The following ADGRL2 variants were observed in gnomAD, a reference collection of about 807,000 sequenced individuals.
ADGRL2 encodes the protein calcium-independent alpha-latrotoxin receptor 2.
Under a neutral mutation model 157.4 loss-of-function variants are expected in ADGRL2, and 44 were observed. The observed-to-expected ratio is 0.28, with a 90% CI of 0.22 to 0.36. ADGRL2 has a LOEUF of 0.36. ADGRL2 is among the 10% of genes least tolerant of loss of function. The probability of loss-of-function intolerance (pLI) is 1.00; values close to 1 mark genes in which losing one functional copy is unlikely to be tolerated. For missense variants in ADGRL2, 1,510 were observed against 1,768.9 expected (o/e 0.85, Z 2.63); for synonymous variants, 585 against 624.7 (o/e 0.94, Z 0.95).
Position 81,443,543 on chromosome 1 carries a change from T to C in ADGRL2, c.-301-1493T>C, listed in dbSNP as rs2077547058. ...GAGACAGTGTCTGATTTTCTATTGC[T>C]GGTTTGAGACCCACTTGATAGAAAT... On this transcript the variant is annotated intron_variant, in intron 1 of 24. Coordinates refer to the ADGRL2 transcript ENST00000370721. Among the ~76,000 whole-genome samples the C allele has an allele frequency of 2.0e-5, 3 of 152,226 alleles. No individual in the cohort carries two copies. In the South Asian group the frequency reaches 6.2e-4, roughly 31 times the overall value.
At chr1:81,465,820 A>G (rs963372930) in intron 2 of ADGRL2, among the ~76,000 whole-genome samples, 3 of 152,238 alleles carry the variant, frequency 2.0e-5, no homozygotes, top group Admixed American at 1.3e-4. Flanking sequence ...TGAAAATCTC[A>G]GCATCTGCCT....
chr1:81,427,711 G>A (rs1033328903), intron 1 of ADGRL2: 1 of 402,812 alleles, frequency 2.5e-6, no homozygotes, highest in East Asian at 4.4e-5. Flanking sequence ...ATGCATTAAA[G>A]GAACTTTAAA....
intron 2 of ADGRL2, among the ~76,000 whole-genome samples, chr1:81,485,539 T>C (rs961593196): frequency 6.6e-6 from 1 of 152,188 alleles, no homozygotes; most frequent in Non-Finnish European, 1.5e-5. Flanking sequence ...ATGGTATTTC[T>C]GTGCCTTGGT....
chr1:81,763,025 G>A (rs1165700281), intron 2 of ADGRL2, among the ~76,000 whole-genome samples: 2 of 138,926 alleles, frequency 1.4e-5, no homozygotes, highest in African/African-American at 5.5e-5. Context: ...TCCAGTCTGG[G>A]TGACAGAGCC....
intron 1 of ADGRL2, among the ~76,000 whole-genome samples, chr1:81,715,457 A>G (rs1056685663): frequency 6.6e-6 from 1 of 152,284 alleles, no homozygotes; most frequent in Non-Finnish European, 1.5e-5. Context: ...GTTAGTGTGT[A>G]TGTGCATCTT....
chr1:81,338,975 C>T (rs531513396), intron 1 of ADGRL2, among the ~76,000 whole-genome samples: 9 of 152,320 alleles, frequency 5.9e-5, no homozygotes, highest in East Asian at 1.9e-4. Flanking sequence ...CTGGAATGCT[C>T]TTCTTTCATC....
chr1:81,778,517 G>T (rs191288965), intron 2 of ADGRL2, among the ~76,000 whole-genome samples: 18 of 152,162 alleles, frequency 1.2e-4, no homozygotes, highest in Admixed American at 1.0e-3. Context: ...TTGGAATTTA[G>T]ACTTTTTCCT....
intron 1 of ADGRL2, among the ~76,000 whole-genome samples, chr1:81,827,296 A>G (rs1008694923): frequency 1.3e-5 from 2 of 152,170 alleles, no homozygotes; most frequent in Admixed American, 6.5e-5. Flanking sequence ...ATAAGTAGCT[A>G]TGGTGACAGG....
At chr1:81,983,782 A>G (rs2149470131) in intron 19 of ADGRL2, among the ~76,000 whole-genome samples, 1 of 152,066 alleles carries the variant, frequency 6.6e-6, no homozygotes, top group Middle Eastern at 3.4e-3. Context: ...AGTTGTTCGG[A>G]CTTCACTTTT....
intron 2 of ADGRL2, among the ~76,000 whole-genome samples, chr1:81,874,538 T>G (rs2151075350): frequency 6.6e-6 from 1 of 152,208 alleles, no homozygotes; most frequent in Non-Finnish European, 1.5e-5. Flanking sequence ...TGAGTTTTTC[T>G]GAAATGTTTC....
At position 81,461,271 on chromosome 1, in the gene ADGRL2, C is replaced by CT. The variant is rs201151961; in HGVS notation, c.-248+16186dup. Among the ~76,000 whole-genome samples, 1,070 of 151,568 alleles carry CT rather than the reference C, an allele frequency of 7.1e-3. 14 individuals are homozygous for CT. Among genetic ancestry groups the CT allele is most frequent in the African/African-American group, 0.025 (1,025 of 41,302 alleles). On this transcript the variant is annotated intron_variant, in intron 2 of 24. Coordinates refer to the ADGRL2 transcript ENST00000370721. Reference sequence around the variant, plus strand: ...TGAGCAGTAAAAGCTTTCTTTTTTTCTTTTCTTTTCTTTTTTTTTTCCTTT... The same window carrying CT: ...TGAGCAGTAAAAGCTTTCTTTTTTTCTTTTTCTTTTCTTTTTTTTTTCCTTT...
chr1:81,637,590 T>C lies in ADGRL2; in HGVS notation c.-143+56610T>C, dbSNP rs1017329608. ...GGGGTGGGGAATAAATATTTAATAT[T>C]TTAAATGATTGCTCATTTCAACTGA... On this transcript the variant is annotated intron_variant, in intron 3 of 24. Coordinates refer to the ADGRL2 transcript ENST00000370721. Among the ~76,000 whole-genome samples the C allele has an allele frequency of 8.5e-5, 13 of 152,328 alleles. No individual in the cohort carries two copies. The South Asian group carries it at 2.5e-3, about 29-fold the overall frequency.
intron 2 of ADGRL2, among the ~76,000 whole-genome samples, chr1:81,492,622 TAAACTA>T (rs2078657188): frequency 6.6e-6 from 1 of 152,220 alleles, no homozygotes; most frequent in Non-Finnish European, 1.5e-5. Flanking sequence ...TATTTAAACT[TAAACTA>T]AGAATGCTTC....
At position 81,501,734 on chromosome 1, in the gene ADGRL2, A is replaced by G. The variant is rs940446535; in HGVS notation, c.-248+56645A>G. 3.7e-5 allele frequency: 60 copies of G among 1,608,716 alleles called. No individual in the cohort carries two copies. The South Asian group carries it at 3.8e-4, about 10-fold the overall frequency. ...CCTGGTGGGCTGTGCCCAGGTTCAG[A>G]GTCATGCCACTCTGTGGGTGAAGCT... On this transcript the variant is annotated intron_variant, in intron 2 of 24. Transcript: ENST00000370721.
chr1:81,906,493 A>T (rs1431634872), intron 2 of ADGRL2, among the ~76,000 whole-genome samples: 1 of 152,156 alleles, frequency 6.6e-6, no homozygotes, highest in Admixed American at 6.5e-5. Flanking sequence ...GAAATAAGTT[A>T]TTGTGCCATA....
At chr1:81,804,517 T>A (rs1417191771) in intron 1 of ADGRL2, among the ~76,000 whole-genome samples, 1 of 152,206 alleles carries the variant, frequency 6.6e-6, no homozygotes, top group Non-Finnish European at 1.5e-5. Flanking sequence ...CAATGAGAAT[T>A]GTAAAGGGTA....
At chr1:81,513,925 C>G (rs1163996164) in intron 2 of ADGRL2, 1 of 152,202 alleles carries the variant, frequency 6.6e-6, no homozygotes, top group African/African-American at 2.4e-5. Context: ...ATCCCCCCTT[C>G]CTGTCATCTT....
intron 1 of ADGRL2, chr1:81,734,995 T>G (rs913726710): frequency 3.5e-5 from 5 of 143,308 alleles, no homozygotes; most frequent in Non-Finnish European, 6.2e-5. Context: ...GATCACACCA[T>G]TGCACTCCAG....
chr1:81,438,760 C>T (rs954661582), intron 1 of ADGRL2, among the ~76,000 whole-genome samples: 1 of 152,158 alleles, frequency 6.6e-6, no homozygotes, highest in African/African-American at 2.4e-5. Flanking sequence ...GCAGTTTAAA[C>T]TCTCTGAGGC....
Sources: allele counts gnomAD v4.1 joint callset (sites outside exome capture counted in the v4.1 genomes callset), GRCh38; gene constraint gnomAD v4.1.1; transcripts MANE v1.5; gene names NCBI Gene and HGNC (gene_info 2026-07-23, HGNC 2026-07-21).